WASHC4: variants seen among roughly 807,000 people sequenced by gnomAD.
The protein encoded by WASHC4 is WASH complex subunit 7.
In WASHC4, 86 loss-of-function variants were observed where a neutral mutation model predicts 166.6. That is an observed-to-expected ratio of 0.52 (90% CI 0.43 to 0.62). WASHC4 has a LOEUF of 0.62. Among genes scored for constraint, WASHC4 ranks in the 20% least tolerant of loss-of-function variants. WASHC4 has a pLI of 0.00. For synonymous variants in WASHC4, 446 were observed against 451.6 expected (o/e 0.99, Z 0.16); for missense variants, 1,262 against 1,382.4 (o/e 0.91, Z 1.38).
intron 13 of WASHC4, 117 bp from the exon 14 acceptor site, chr12:105,133,653 C>A: frequency 1.1e-6 from 1 of 869,974 alleles, no homozygotes; most frequent in Non-Finnish European, 1.9e-6. Context: ...TAATATTTAT[C>A]TTTTGAAAAC....
chr12:105,159,153 T>A (rs1884343304), intron 28 of WASHC4, among the ~76,000 whole-genome samples: 1 of 152,188 alleles, frequency 6.6e-6, no homozygotes, highest in East Asian at 1.9e-4. Context: ...GGATCAGACC[T>A]TTACCTTATG....
At position 105,153,348 on chromosome 12, in the gene WASHC4, C is replaced by T. The variant is rs570902250; in HGVS notation, c.2758+897C>T. 1.4e-4 allele frequency among the ~76,000 whole-genome samples: 21 copies of T among 152,228 alleles called. No homozygotes were observed. The East Asian group carries it at 3.3e-3, about 24-fold the overall frequency. ...ACTTTAGGTTTACTAGTGGGTAATA[C>T]GTTATAAGCATTTCATTCTGGAGTA... On this transcript the variant is annotated intron_variant, in intron 26 of 32. Coordinates refer to ENST00000332180, the MANE Select transcript of WASHC4 (RefSeq NM_015275.3).
chr12:105,126,414 A>G, intron 12 of WASHC4, 52 bp downstream of exon 12: 2 of 1,317,666 alleles, frequency 1.5e-6, no homozygotes, highest in Non-Finnish European at 1.1e-6. Context: ...AAGATTGCAG[A>G]TAAAACTAAA....
At position 105,147,115 on chromosome 12, in the gene WASHC4, G is replaced by C. The variant is rs757942443; in HGVS notation, c.2483G>C (p.Arg828Pro). ...INIRHIANSI[R>P]THGTGIMNTT... is the part of the protein sequence containing the mutation. Reference sequence around the variant, plus strand: ...ATTCGGCATATTGCTAATTCAATTCGAACACATGGCACGGGAATTATGAAT... The same window carrying C: ...ATTCGGCATATTGCTAATTCAATTCCAACACATGGCACGGGAATTATGAAT... The change falls in exon 24 of 33, where the codon CGA becomes CCA. Residue 828 changes from arginine to proline, a missense_variant. Arg to Pro is a moderately radical substitution (Grantham distance 103). Coordinates refer to ENST00000332180, the MANE Select transcript of WASHC4 (RefSeq NM_015275.3). 3 of 1,608,518 alleles carry C rather than the reference G, an allele frequency of 1.9e-6. No individual in the cohort carries two copies. Among genetic ancestry groups the C allele is most frequent in the Admixed American group, 1.7e-5 (1 of 60,008 alleles).
At chr12:105,128,737 G>A (rs982398819) in intron 13 of WASHC4, among the ~76,000 whole-genome samples, 1 of 151,664 alleles carries the variant, frequency 6.6e-6, no homozygotes. Context: ...ATGTATCTAG[G>A]TCATGGGAAT....
At position 105,140,307 on chromosome 12, in the gene WASHC4, T is replaced by C. The variant is rs1882722018; in HGVS notation, c.1466T>C (p.Met489Thr). The C allele has an allele frequency of 1.9e-6, 3 of 1,612,010 alleles. No homozygotes were observed. Among genetic ancestry groups the C allele is most frequent in the African/African-American group, 2.7e-5 (2 of 75,014 alleles). The change falls in exon 16 of 33, where the codon ATG becomes ACG. Residue 489 changes from methionine (M) to threonine (T), a missense_variant. Met to Thr is a moderately conservative substitution (Grantham distance 81). Transcript: ENST00000332180. Reference sequence around the variant, plus strand: ...GATTCTTTTTAGGCAATAGAGCATATGTTCTACAGGAGAAGCATGGTTGTG... The same window carrying C: ...GATTCTTTTTAGGCAATAGAGCATACGTTCTACAGGAGAAGCATGGTTGTG... The part of the protein sequence containing the change: ...LVELLKAIEH[M>T]FYRRSMVVAD...
At chr12:105,157,612 TTAGTATA>T (rs1884253638) in intron 28 of WASHC4, among the ~76,000 whole-genome samples, 1 of 152,174 alleles carries the variant, frequency 6.6e-6, no homozygotes, top group Non-Finnish European at 1.5e-5. Context: ...CCTTGAAGAT[TTAGTATA>T]AAAGGAGGAA....
chr12:105,152,088 A>C (rs1883815363), intron 25 of WASHC4, among the ~76,000 whole-genome samples: 1 of 152,094 alleles, frequency 6.6e-6, no homozygotes, highest in Non-Finnish European at 1.5e-5. Flanking sequence ...GAGTTGTTGG[A>C]GGTTAGGAGA....
chr12:105,138,141 C>G (rs1281495122), intron 15 of WASHC4, 130 bp downstream of exon 15: 5 of 806,376 alleles, frequency 6.2e-6, no homozygotes, highest in Non-Finnish European at 9.4e-6. Flanking sequence ...ACTTCTCTCT[C>G]AATTGAATAA....
intron 13 of WASHC4, among the ~76,000 whole-genome samples, chr12:105,130,789 TG>T (rs1881729500): frequency 6.6e-6 from 1 of 152,240 alleles, no homozygotes; most frequent in South Asian, 2.1e-4. Context: ...TGTGGATTTT[TG>T]CATTTTGCTT....
chr12:105,143,270 C>T, intron 20 of WASHC4, 27 bp downstream of exon 20: 2 of 1,277,558 alleles, frequency 1.6e-6, no homozygotes, highest in Non-Finnish European at 1.1e-6. Context: ...GATTGAAAAG[C>T]TTAAAACATG....
rs763288504 is a variant in WASHC4, at chr12:105,137,940, T to C, written c.1381T>C (p.Tyr461His). 1.9e-6 allele frequency: 3 copies of C among 1,612,428 alleles called. No homozygotes were observed. Reference sequence around the variant, plus strand: ...CATTATTAAAACCACAATGAATCTCTACATGTCCATGCAAAAGCCAATGAC... The same window carrying C: ...CATTATTAAAACCACAATGAATCTCCACATGTCCATGCAAAAGCCAATGAC... The part of the protein sequence containing the change: ...STIIKTTMNL[Y>H]MSMQKPMTKT... The change falls in exon 15 of 33, where the codon TAC (tyrosine) becomes CAC (histidine). Residue 461 changes from tyrosine to histidine, a missense_variant. Physicochemically the swap from Tyr to His is moderately conservative, Grantham distance 83 (BLOSUM62 2). Transcript: ENST00000332180.
At chr12:105,160,242 T>G (rs1161445521) in intron 29 of WASHC4, 94 bp downstream of exon 29, 79 of 990,200 alleles carry the variant, frequency 8.0e-5, no homozygotes, top group Non-Finnish European at 1.1e-4. Flanking sequence ...GCATACAGAC[T>G]ACACTATTAA....
chr12:105,140,478 C>G, intron 16 of WASHC4, 77 bp downstream of exon 16: 1 of 1,036,770 alleles, frequency 9.6e-7, no homozygotes, highest in Non-Finnish European at 1.5e-6. Flanking sequence ...TATGTGTTTT[C>G]TGGTTTAACC....
chr12:105,108,987 A>G (rs990024811), intron 1 of WASHC4, among the ~76,000 whole-genome samples: 1 of 152,198 alleles, frequency 6.6e-6, no homozygotes, highest in African/African-American at 2.4e-5. Context: ...TAAAAAATAA[A>G]TAGCTGGGCT....
At chr12:105,164,380 A>G (rs1426732603) in intron 31 of WASHC4, 73 bp downstream of exon 31, 28 of 1,316,146 alleles carry the variant, frequency 2.1e-5, no homozygotes, top group Non-Finnish European at 3.0e-5. Context: ...ATGTCTGAAA[A>G]GCAGAAGCCA....
At chr12:105,157,366 C>T in intron 28 of WASHC4, 44 bp downstream of exon 28, 1 of 1,120,974 alleles carries the variant, frequency 8.9e-7, no homozygotes, top group Non-Finnish European at 1.3e-6. Flanking sequence ...TTATAAAAAA[C>T]ATTCTGAAGA....
At chr12:105,114,042 T>C (rs1204140121) in intron 2 of WASHC4, among the ~76,000 whole-genome samples, 174 bp from the exon 3 acceptor site, 2 of 152,042 alleles carry the variant, frequency 1.3e-5, no homozygotes, top group African/African-American at 2.4e-5. Flanking sequence ...GCCATTTCTT[T>C]CCTTACGTGT....
chr12:105,144,762 A>G lies in WASHC4; in HGVS notation c.2224A>G (p.Thr742Ala). The part of the protein sequence containing the change: ...YLDKTFYNLT[T>A]VALHDWATYS... ...AGACAAGACTTTCTACAATCTAACA[A>G]CTGTAGCCCTTCATGACTGGGCCAC... Residue 742 changes from threonine to alanine, a missense_variant, in exon 22 of 33, where the codon ACT (threonine) becomes GCT (alanine). By Grantham distance (58) the Thr-to-Ala change is moderately conservative. Transcript: ENST00000332180. 6.2e-7 allele frequency: 1 copy of G among 1,612,612 alleles called. No homozygotes were observed. Among genetic ancestry groups the G allele is most frequent in the South Asian group, 1.1e-5 (1 of 90,984 alleles).
Sources: allele counts gnomAD v4.1 joint callset (sites outside exome capture counted in the v4.1 genomes callset), GRCh38; gene constraint gnomAD v4.1.1; transcripts MANE v1.5; gene names NCBI Gene and HGNC (gene_info 2026-07-23, HGNC 2026-07-21).